Variants in RBFOX1 observed in about 807,000 individuals in gnomAD.
RBFOX1 encodes RNA binding protein fox-1 homolog 1.
In RBFOX1, 8 loss-of-function variants were observed where a neutral mutation model predicts 57.7. That is an observed-to-expected ratio of 0.14 (90% CI 0.08 to 0.25). RBFOX1 has a LOEUF of 0.25. RBFOX1 is among the 10% of genes least tolerant of loss of function. RBFOX1 has a pLI of 1.00. For missense variants in RBFOX1, 611 were observed against 548.5 expected (o/e 1.11, Z -1.14); for synonymous variants, 326 against 222.4 (o/e 1.47, Z -4.15).
In RBFOX1 at chr16:6,619,495, T is replaced by G. The variant is rs1304937076; in HGVS notation, c.-63-35108T>G. 3.9e-5 allele frequency among the ~76,000 whole-genome samples: 6 copies of G among 152,112 alleles called. No homozygotes were observed. The South Asian group carries it at 1.0e-3, about 26-fold the overall frequency. On this transcript the variant is annotated intron_variant, in intron 2 of 15. Coordinates refer to ENST00000550418, the MANE Select transcript of RBFOX1 (RefSeq NM_018723.4). ...CCATTCTTTTTTCTTCTCATTAAAC[T>G]TATGCCTTTCTGCTTAGTTAGGAGA...
intron 4 of RBFOX1, among the ~76,000 whole-genome samples, chr16:7,356,687 A>C (rs1481029216): frequency 6.6e-6 from 1 of 152,364 alleles, no homozygotes; most frequent in Non-Finnish European, 1.5e-5. Flanking sequence ...GAAGTTCTGA[A>C]GTGCATGAAT....
chr16:6,281,361 C>T (rs1358906355), intron 1 of RBFOX1, among the ~76,000 whole-genome samples: 1 of 152,076 alleles, frequency 6.6e-6, no homozygotes, highest in Non-Finnish European at 1.5e-5. Context: ...AAGTGTTACT[C>T]TGCATAGAAG....
rs145226143 is a variant in RBFOX1, at chr16:6,234,826, C to G, written c.-126-82169C>G. Among the ~76,000 whole-genome samples, 933 of 152,152 alleles carry G rather than the reference C, an allele frequency of 6.1e-3. 14 individuals carry two copies. Among genetic ancestry groups the G allele is most frequent in the African/African-American group, 0.02 (850 of 41,506 alleles). On this transcript the variant is annotated intron_variant, in intron 1 of 15. Coordinates refer to ENST00000550418, the MANE Select transcript of RBFOX1 (RefSeq NM_018723.4). ...CATGAACTACACACAGACACACACA[C>G]ACACACACAGGCACACATGCAGTGA...
At chr16:5,365,883 C>A (rs1387830770) in intron 1 of RBFOX1, 3 of 505,766 alleles carry the variant, frequency 5.9e-6, no homozygotes, top group Non-Finnish European at 1.2e-5. Context: ...CAAAGATGAT[C>A]ACTTCAAGGT....
intron 1 of RBFOX1, among the ~76,000 whole-genome samples, chr16:5,398,463 A>G (rs1027358992): frequency 5.9e-5 from 9 of 151,282 alleles, no homozygotes; most frequent in African/African-American, 1.9e-4. Flanking sequence ...ATGTGTATGC[A>G]TGTGTGTGAA....
intron 1 of RBFOX1, among the ~76,000 whole-genome samples, chr16:6,173,718 TC>T (rs1407068608): frequency 2.0e-5 from 3 of 150,830 alleles, no homozygotes; most frequent in African/African-American, 7.3e-5. Context: ...CAAGTGATTC[TC>T]CCGCCTGAAC....
At chr16:7,382,344 C>T (rs911335607) in intron 4 of RBFOX1, among the ~76,000 whole-genome samples, 16 of 152,122 alleles carry the variant, frequency 1.1e-4, no homozygotes, top group African/African-American at 3.9e-4. Context: ...TTATTTTGGA[C>T]TTTTAAAAAA....
At position 6,814,255 on chromosome 16, in the gene RBFOX1, G is replaced by A. The variant is rs200111862; in HGVS notation, c.-16+159605G>A. Among the ~76,000 whole-genome samples the A allele has an allele frequency of 1.9e-4, 27 of 141,062 alleles. No homozygotes were observed. In the East Asian group the frequency reaches 4.1e-3, roughly 21 times the overall value. 92.5% of individuals were successfully genotyped at this position (141,062 alleles called of 152,430 possible). A position where few individuals can be genotyped will look rare whatever the true frequency, so the allele number is the denominator to read the frequency against. ...ACACAGAGAGAAAATTGTGGTGGGG[G>A]GGAGGGAGGAGGTCTAAGAGAGTCA... On this transcript the variant is annotated intron_variant, in intron 3 of 15. Transcript: ENST00000550418.
intron 3 of RBFOX1, among the ~76,000 whole-genome samples, chr16:6,859,163 A>G (rs1234703150): frequency 2.3e-5 from 2 of 85,264 alleles, no homozygotes; most frequent in African/African-American, 1.4e-4. Context: ...GTATATATAT[A>G]CGTATATATA....
chr16:6,511,529 G>C (rs1324815764), intron 2 of RBFOX1, among the ~76,000 whole-genome samples: 1 of 152,160 alleles, frequency 6.6e-6, no homozygotes, highest in Non-Finnish European at 1.5e-5. Context: ...AGGAGCCCAT[G>C]GAAACTACCA....
intron 4 of RBFOX1, among the ~76,000 whole-genome samples, chr16:7,238,569 C>T (rs1468434805): frequency 6.6e-6 from 1 of 152,130 alleles, no homozygotes; most frequent in African/African-American, 2.4e-5. Flanking sequence ...CTTCTGTGTT[C>T]TTCCCATCTT....
At chr16:7,414,234 C>G (rs1050280583) in intron 4 of RBFOX1, among the ~76,000 whole-genome samples, 1 of 152,202 alleles carries the variant, frequency 6.6e-6, no homozygotes, top group Non-Finnish European at 1.5e-5. Flanking sequence ...CAGAAATGGA[C>G]AAAACCGAGT....
chr16:7,615,161 A>C (rs923131353), intron 10 of RBFOX1, among the ~76,000 whole-genome samples: 1 of 152,118 alleles, frequency 6.6e-6, no homozygotes, highest in Non-Finnish European at 1.5e-5. Flanking sequence ...GTGAAACCCC[A>C]TCTCTACTAA....
intron 1 of RBFOX1, among the ~76,000 whole-genome samples, chr16:5,284,606 A>T (rs1451659064): frequency 6.8e-6 from 1 of 146,362 alleles, no homozygotes; most frequent in Non-Finnish European, 1.5e-5. Flanking sequence ...CAGTGGCATG[A>T]TCATAGCTCA....
chr16:5,344,861 T>A (rs1322494976), intron 1 of RBFOX1, among the ~76,000 whole-genome samples: 1 of 152,222 alleles, frequency 6.6e-6, no homozygotes, highest in East Asian at 1.9e-4. Context: ...TCATGGATGA[T>A]CTGATGAAGG....
chr16:6,907,796 A>T (rs2070440491), intron 3 of RBFOX1, among the ~76,000 whole-genome samples: 1 of 146,106 alleles, frequency 6.8e-6, no homozygotes. Flanking sequence ...CTGGTCTCAA[A>T]CTCCTGACCT....
intron 4 of RBFOX1, among the ~76,000 whole-genome samples, chr16:7,219,607 C>A (rs142633707): frequency 6.6e-6 from 1 of 152,114 alleles, no homozygotes; most frequent in Non-Finnish European, 1.5e-5. Context: ...AAAGAACAAG[C>A]GTGGCGGATT....
chr16:7,014,755 C>G (rs538237187), intron 3 of RBFOX1, among the ~76,000 whole-genome samples: 1 of 152,040 alleles, frequency 6.6e-6, no homozygotes, highest in Non-Finnish European at 1.5e-5. Context: ...GATGGAGTCT[C>G]GCTCTGTCAC....
chr16:6,680,294 T>TTTTTTTTTTTTTTTTTTTTTTTTTTG (rs60731674), intron 3 of RBFOX1, among the ~76,000 whole-genome samples: 1 of 103,056 alleles, frequency 9.7e-6, no homozygotes, highest in African/African-American at 3.6e-5. Context: ...TTTTTTTTTT[T>TTTTTTTTTTTTTTTTTTTTTTTTTTG]ATTTGTCGCC....
Sources: allele counts gnomAD v4.1 joint callset (sites outside exome capture counted in the v4.1 genomes callset), GRCh38; gene constraint gnomAD v4.1.1; transcripts MANE v1.5; gene names NCBI Gene and HGNC (gene_info 2026-07-23, HGNC 2026-07-21).